The following QRICH2 variants were observed in gnomAD, a reference collection of about 807,000 sequenced individuals.
QRICH2 encodes glutamine rich 2, also known as glutamine-rich protein 2.
QRICH2 carries 119 observed loss-of-function variants against 168.3 expected under a neutral mutation model. That is an observed-to-expected ratio of 0.71 (90% CI 0.61 to 0.82). The LOEUF (loss-of-function observed/expected upper bound fraction) is 0.82. Among genes scored for constraint, QRICH2 ranks in the 40% least tolerant of loss-of-function variants. The pLI is 0.00. For missense variants in QRICH2, 2,241 were observed against 2,491.6 expected, an observed-to-expected ratio of 0.90 and a Z score of 2.14; for synonymous variants, 894 against 951.2, an observed-to-expected ratio of 0.94 and a Z score of 1.11.
chr17:76,275,723 C>G lies in QRICH2; in HGVS notation c.5482+96G>C. 5 of 1,461,892 alleles carry G rather than the reference C, an allele frequency of 3.4e-6. No individual in the cohort carries two copies. The Admixed American group carries it at 9.0e-5, about 26-fold the overall frequency. The allele number at this position is 1,461,892 out of a possible 1,614,324, so 90.6% of individuals were successfully genotyped here. On this transcript the variant is annotated intron_variant, in intron 18 of 18. Coordinates refer to ENST00000680821, the MANE Select transcript of QRICH2 (RefSeq NM_001388453.1). The stretch of plus-strand genomic sequence containing the variant: ...CCCCCTTCGGCTCCCAGGCCCTCCC[C>G]TCTCCGGGGAGATAAAGGCCCTACA...
In QRICH2 at chr17:76,293,267, G is replaced by C. The variant is rs755903226; in HGVS notation, c.1460C>G (p.Pro487Arg). 5.0e-5 allele frequency: 80 copies of C among 1,614,032 alleles called. 1 individual carries two copies. Among genetic ancestry groups the C allele is most frequent in the South Asian group, 4.2e-4 (38 of 91,088 alleles). ...ACATCCACGCTGATCCATGCCAAGT[G>C]GTTCCATACTGCGTTGGTCTGTGCC... ...FPGTDQRSMEPLGMDQRGCVI... is the reference protein window; with the variant it reads ...FPGTDQRSMERLGMDQRGCVI... The change falls in exon 4 of 19, where the codon CCA (proline) becomes CGA (arginine). Residue 487 changes from proline to arginine, a missense_variant. By Grantham distance (103) the Pro-to-Arg change is moderately radical. Coordinates refer to ENST00000680821, the MANE Select transcript of QRICH2 (RefSeq NM_001388453.1).
intron 3 of QRICH2, among the ~76,000 whole-genome samples, chr17:76,303,839 C>G (rs890610625): frequency 7.0e-6 from 1 of 143,504 alleles, no homozygotes; most frequent in Non-Finnish European, 1.5e-5. Context: ...CGCCACTGCA[C>G]TCCAGCCTGG....
At chr17:76,286,404 T>G (rs1288290044) in intron 7 of QRICH2, among the ~76,000 whole-genome samples, 1 of 152,168 alleles carries the variant, frequency 6.6e-6, no homozygotes, top group African/African-American at 2.4e-5. Context: ...TACAAAAGTG[T>G]ATGTTGCATG....
At chr17:76,284,141 C>G (rs1453337109) in intron 7 of QRICH2, among the ~76,000 whole-genome samples, 1 of 121,352 alleles carries the variant, frequency 8.2e-6, no homozygotes, top group East Asian at 2.1e-4. Context: ...GCACTCCAGC[C>G]TGGGCAACAG....
At position 76,275,988 on chromosome 17, in the gene QRICH2, G is replaced by A. The variant is rs11871795; in HGVS notation, c.5354-41C>T. On this transcript the variant is annotated intron_variant, in intron 17 of 18. Coordinates refer to ENST00000680821, the MANE Select transcript of QRICH2 (RefSeq NM_001388453.1). ...AGGGAAGGGTCAGTGCTGAGGCAGC[G>A]GTGAGAGCTCTGTGGGAACCCCTGG... is the stretch of plus-strand genomic sequence containing the variant. The A allele has an allele frequency of 3.0e-3, 4,743 of 1,594,350 alleles. 123 individuals are homozygous for A. The African/African-American group carries it at 0.057, about 19-fold the overall frequency.
chr17:76,275,068 C>T (rs558897506), intron 18 of QRICH2, among the ~76,000 whole-genome samples: 3 of 152,152 alleles, frequency 2.0e-5, no homozygotes, highest in South Asian at 2.1e-4. Flanking sequence ...AGCATCTAGC[C>T]GAGGGGCAGG....
At chr17:76,290,735 C>T (rs900526725) in intron 4 of QRICH2, among the ~76,000 whole-genome samples, 3 of 152,142 alleles carry the variant, frequency 2.0e-5, no homozygotes, top group South Asian at 2.1e-4. Context: ...CCTCCCAATG[C>T]TACTGCTCTC....
At chr17:76,283,210 C>A (rs536925412) in intron 7 of QRICH2, among the ~76,000 whole-genome samples, 1 of 152,268 alleles carries the variant, frequency 6.6e-6, no homozygotes, top group South Asian at 2.1e-4. Flanking sequence ...AGTTCTCTCT[C>A]GAAAAGAGGA....
chr17:76,306,744 A>G (rs2070996745), intron 1 of QRICH2, among the ~76,000 whole-genome samples: 1 of 152,012 alleles, frequency 6.6e-6, no homozygotes, highest in Non-Finnish European at 1.5e-5. Flanking sequence ...AATATTAGCC[A>G]GGCGGGGTGG....
chr17:76,280,749 GA>G lies in QRICH2; in HGVS notation c.4387-22del. 3.1e-6 allele frequency: 5 copies of G among 1,613,968 alleles called. No homozygotes were observed. In the East Asian group the frequency reaches 1.1e-4, roughly 36 times the overall value. On this transcript the variant is annotated intron_variant, in intron 9 of 18. Transcript: ENST00000680821. This position sits in a 1 kb window ranked among gnomAD's most constrained non-coding sequence, Gnocchi z 7.4. Reference sequence around the variant, plus strand: ...AGCATCTGGGGAGGCCAAGTGAACAGAGAAAAAAAGAGCCAGCAGCTGCGGG... The same window carrying G: ...AGCATCTGGGGAGGCCAAGTGAACAGGAAAAAAAGAGCCAGCAGCTGCGGG...
Position 76,291,843 on chromosome 17 carries a change from C to G in QRICH2, c.2884G>C (p.Val962Leu). 1 of 1,614,166 alleles carries G rather than the reference C, an allele frequency of 6.2e-7. No individual in the cohort carries two copies. Among genetic ancestry groups the G allele is most frequent in the South Asian group, 1.1e-5 (1 of 91,084 alleles). Residue 962 changes from valine (V) to leucine (L), a missense_variant, in exon 4 of 19, where the codon GTG (valine) becomes CTG (leucine). Physicochemically the swap from Val to Leu is conservative, Grantham distance 32 (BLOSUM62 1). Around this residue, in one of 3 missense-constraint regions of QRICH2, gnomAD observed 2,047 missense variants for 2,303.8 expected, o/e 0.89. Coordinates refer to ENST00000680821, the MANE Select transcript of QRICH2 (RefSeq NM_001388453.1). ...CCATACTGATCCATTCCTGGCTGCA[C>G]CAGACCACGTGGATATGTCCCAGAT... Reference protein sequence around the residue: ...SQSGTYPRGLVQPGMDQYGLR... With the variant: ...SQSGTYPRGLLQPGMDQYGLR...
In QRICH2 at chr17:76,275,675, G is replaced by T. The variant is rs12941256; in HGVS notation, c.5482+144C>A. 3.4e-5 allele frequency: 35 copies of T among 1,021,144 alleles called. No homozygotes were observed. The East Asian group carries it at 5.5e-4, about 16-fold the overall frequency. 63.3% of individuals were successfully genotyped at this position (1,021,144 alleles called of 1,614,324 possible). On this transcript the variant is annotated intron_variant, in intron 18 of 18. Transcript: ENST00000680821. ...GGCACAAATCACTCAGTCACTCGGG[G>T]TTCCTCTTTTCCACACCCATCCCCC... is the stretch of plus-strand genomic sequence containing the variant.
rs368774674 is a variant in QRICH2, at chr17:76,279,270, A to G, written c.4814+93T>C. The G allele has an allele frequency of 2.1e-4, 283 of 1,361,246 alleles. 1 individual carries two copies. Among genetic ancestry groups the G allele is most frequent in the Middle Eastern group, 5.4e-4 (3 of 5,532 alleles). 84.3% of individuals were successfully genotyped at this position (1,361,246 alleles called of 1,614,324 possible). A position where few individuals can be genotyped will look rare whatever the true frequency, so the allele number is the denominator to read the frequency against. ...GGGAGCGAGGGCTGGAAGCAGACAC[A>G]TGAAAGAAAGGGAGAGGACAGGTGG... On this transcript the variant is annotated intron_variant, in intron 13 of 18. Transcript: ENST00000680821.
Position 76,293,594 on chromosome 17 carries a change from G to A in QRICH2, c.1133C>T (p.Ala378Val). 6.2e-7 allele frequency: 1 copy of A among 1,614,188 alleles called. No individual in the cohort carries two copies. Among genetic ancestry groups the A allele is most frequent in the South Asian group, 1.1e-5 (1 of 91,092 alleles). Residue 378 changes from alanine to valine, a missense_variant, in exon 4 of 19, where the codon GCT becomes GTT. By Grantham distance (64) the Ala-to-Val change is moderately conservative (BLOSUM62 0). This residue lies in a region of QRICH2 where 2,047 missense variants were observed against 2,303.8 expected (regional missense o/e 0.89). Transcript: ENST00000680821. ...LARDQPSSVP[A>V]SQSQVHLRPD... ...CCTTAGATGGACCTGACTCTGGCTAGCGGGCACACTACTGGGCTGGTCTCT... is the reference window on the plus strand; with the variant it reads ...CCTTAGATGGACCTGACTCTGGCTAACGGGCACACTACTGGGCTGGTCTCT...
intron 7 of QRICH2, among the ~76,000 whole-genome samples, chr17:76,286,730 C>G (rs903849212): frequency 4.3e-4 from 66 of 152,008 alleles, no homozygotes; most frequent in African/African-American, 1.5e-3. Flanking sequence ...CAAAAATTAG[C>G]TGGGCGTGGT....
Position 76,293,862 on chromosome 17 carries a change from C to T in QRICH2, c.865G>A (p.Gly289Ser). The T allele has an allele frequency of 6.2e-7, 1 of 1,614,010 alleles. No homozygotes were observed. Among genetic ancestry groups the T allele is most frequent in the Non-Finnish European group, 8.5e-7 (1 of 1,179,980 alleles). The change falls in exon 4 of 19, where the codon GGT becomes AGT. Residue 289 changes from glycine to serine, a missense_variant. Transcript: ENST00000680821. Reference protein sequence around the residue: ...LGPDRTASGSGGTAHPSDGVS... With the variant: ...LGPDRTASGSSGTAHPSDGVS... ...CCATCAGAGGGGTGTGCTGTGCCAC[C>T]AGATCCTGATGCAGTCCGATCCGGG...
intron 18 of QRICH2, 56 bp downstream of exon 18, chr17:76,275,763 G>A: frequency 6.3e-7 from 1 of 1,580,450 alleles, no homozygotes; most frequent in South Asian, 1.1e-5. Context: ...CAGGAAAGGG[G>A]GCCGGCAGGG....
intron 3 of QRICH2, among the ~76,000 whole-genome samples, chr17:76,297,052 A>G (rs1214812287): frequency 6.6e-6 from 1 of 152,236 alleles, no homozygotes; most frequent in Non-Finnish European, 1.5e-5. Context: ...GTGTACTCAG[A>G]AAAGTGTTGC....
chr17:76,288,870 C>T (rs199946548), intron 5 of QRICH2, among the ~76,000 whole-genome samples: 3 of 151,638 alleles, frequency 2.0e-5, no homozygotes, highest in South Asian at 2.1e-4. Flanking sequence ...TTTGGGAGGC[C>T]GAGGCAGGCA....
Sources: allele counts gnomAD v4.1 joint callset (sites outside exome capture counted in the v4.1 genomes callset), GRCh38; gene constraint gnomAD v4.1.1; regional missense constraint gnomAD v4.1.1; non-coding constraint Gnocchi (gnomAD v3.1); transcripts MANE v1.5; gene names NCBI Gene and HGNC (gene_info 2026-07-23, HGNC 2026-07-21).